The following TXNL1 variants were observed in gnomAD, a reference collection of about 807,000 sequenced individuals.
TXNL1 encodes the protein thioredoxin-like protein 1.
A neutral mutation model predicts 35.5 loss-of-function variants in TXNL1; 14 were observed. The ratio of observed to expected loss-of-function variants is 0.39; its 90% CI spans 0.26 to 0.62. The LOEUF (loss-of-function observed/expected upper bound fraction) is 0.62. TXNL1 is among the 20% of genes least tolerant of loss of function. The pLI, the probability that TXNL1 is intolerant of heterozygous loss-of-function variation, is 0.47. For missense variants in TXNL1, 263 were observed against 349.7 expected, an observed-to-expected ratio of 0.75 and a Z score of 1.98; for synonymous variants, 110 against 115.5, an observed-to-expected ratio of 0.95 and a Z score of 0.31.
intron 5 of TXNL1, 63 bp from the exon 6 acceptor site, chr18:56,614,659 C>G: frequency 7.7e-7 from 1 of 1,296,404 alleles, no homozygotes; most frequent in Non-Finnish European, 1.1e-6. Context: ...CTCCCTTTAC[C>G]ACTACACTCA....
At chr18:56,627,175 T>G (rs1371973336) in intron 1 of TXNL1, among the ~76,000 whole-genome samples, 1 of 152,120 alleles carries the variant, frequency 6.6e-6, no homozygotes, top group East Asian at 1.9e-4. Context: ...TATACTGTCT[T>G]AATGAGCCCA....
chr18:56,626,367 C>G lies in TXNL1; in HGVS notation c.189G>C (p.Gln63His), dbSNP rs765001652. 1 of 1,610,798 alleles carries G rather than the reference C, an allele frequency of 6.2e-7. No homozygotes were observed. The highest frequency in any genetic ancestry group is 8.5e-7 in the Non-Finnish European group (1 of 1,179,024). The change falls in exon 2 of 8, where the codon CAG becomes CAC. Residue 63 changes from glutamine to histidine, a missense_variant. Gln to His is a conservative substitution (Grantham distance 24). Coordinates refer to ENST00000217515, the MANE Select transcript of TXNL1 (RefSeq NM_004786.3). The part of the protein sequence containing the change: ...QAVFLEVDVH[Q>H]CQGTAATNNI... ...AAAGATTCCTTTCCCTTACCTGACA[C>G]TGATGTACATCGACTTCCAAGAAAA...
chr18:56,597,852 T>A lies in TXNL1; in HGVS notation c.*5175A>T, dbSNP rs2023762780. The A allele has an allele frequency of 6.6e-6, 1 of 152,240 alleles. No individual in the cohort carries two copies. The highest frequency in any genetic ancestry group is 6.5e-5 in the Admixed American group (1 of 15,282). The allele number at this position is 152,240 out of a possible 1,614,324, so 9.4% of individuals were successfully genotyped here. ...CAATGTACCCAAAACCATATTCATC[T>A]TCCCCTCTGAACGTTCTGCTTCTCC... On this transcript the variant is annotated 3_prime_UTR_variant, in exon 8 of 8. Coordinates refer to ENST00000217515, the MANE Select transcript of TXNL1 (RefSeq NM_004786.3).
intron 1 of TXNL1, 58 bp from the exon 2 acceptor site, chr18:56,626,515 C>G (rs556410447): frequency 7.1e-7 from 1 of 1,399,282 alleles, no homozygotes; most frequent in African/African-American, 1.5e-5. Flanking sequence ...CTAAAGCACT[C>G]GTCAATTAAA....
intron 1 of TXNL1, among the ~76,000 whole-genome samples, chr18:56,637,278 G>T (rs1204607014): frequency 6.6e-6 from 1 of 152,112 alleles, no homozygotes; most frequent in Non-Finnish European, 1.5e-5. Context: ...AATTCAAAAT[G>T]GAATTTTGTG....
chr18:56,606,109 C>T (rs1010047489), intron 7 of TXNL1, among the ~76,000 whole-genome samples: 1 of 152,226 alleles, frequency 6.6e-6, no homozygotes, highest in Non-Finnish European at 1.5e-5. Flanking sequence ...GGCATGGTGG[C>T]TCACGCCTGT....
rs929805234 is a variant in TXNL1, at chr18:56,602,027, G to C, written c.*1000C>G. On this transcript the variant is annotated 3_prime_UTR_variant, in exon 8 of 8. Transcript: ENST00000217515. ...AGGGTAATAATTCCCTTTTTTTTTT[G>C]GAGACGGAGTTTTGCTCTTGTCGCT... The C allele has an allele frequency of 4.7e-5, 7 of 148,498 alleles. No individual in the cohort carries two copies. The highest frequency in any genetic ancestry group is 1.7e-4 in the African/African-American group (7 of 40,466). 9.2% of individuals were successfully genotyped at this position (148,498 alleles called of 1,614,324 possible). A position where few individuals can be genotyped will look rare whatever the true frequency, so the allele number is the denominator to read the frequency against.
chr18:56,626,744 G>A (rs1381700208), intron 1 of TXNL1, among the ~76,000 whole-genome samples: 1 of 148,034 alleles, frequency 6.8e-6, no homozygotes, highest in African/African-American at 2.5e-5. Flanking sequence ...TGATCCACCT[G>A]CCTTGGCCCC....
Position 56,638,538 on chromosome 18 carries a change from C to T in TXNL1, c.-98G>A, listed in dbSNP as rs572187581. On this transcript the variant is annotated 5_prime_UTR_variant, in exon 1 of 8. Coordinates refer to ENST00000217515, the MANE Select transcript of TXNL1 (RefSeq NM_004786.3). The stretch of plus-strand genomic sequence containing the variant: ...AGGAAGGAGAGATGCTCAGGAAGGC[C>T]GAGGCCTGGACAGAAGAGGTGGCGA... The T allele has an allele frequency of 2.5e-5, 33 of 1,294,610 alleles. No individual in the cohort carries two copies. The African/African-American group carries it at 4.4e-4, about 17-fold the overall frequency. 80.2% of individuals were successfully genotyped at this position (1,294,610 alleles called of 1,614,324 possible).
intron 3 of TXNL1, among the ~76,000 whole-genome samples, chr18:56,618,477 G>A (rs2024126447): frequency 6.6e-6 from 1 of 152,040 alleles, no homozygotes; most frequent in South Asian, 2.1e-4. Flanking sequence ...AGTGGTCAAG[G>A]ACTCTTTATA....
intron 1 of TXNL1, among the ~76,000 whole-genome samples, chr18:56,633,604 A>G (rs1290763671): frequency 6.7e-5 from 9 of 134,458 alleles, no homozygotes; most frequent in African/African-American, 1.7e-4. Context: ...TGAGCAACAG[A>G]GCGAGACCCT....
At chr18:56,627,995 T>G (rs1445237845) in intron 1 of TXNL1, among the ~76,000 whole-genome samples, 1 of 152,102 alleles carries the variant, frequency 6.6e-6, no homozygotes, top group Non-Finnish European at 1.5e-5. Flanking sequence ...CTTATACTTC[T>G]AATACGTAAA....
intron 4 of TXNL1, among the ~76,000 whole-genome samples, chr18:56,617,009 A>G (rs761935610): frequency 6.6e-6 from 1 of 152,196 alleles, no homozygotes; most frequent in Non-Finnish European, 1.5e-5. Context: ...TGAGCAGGAA[A>G]ATTTCATGAA....
rs185323287 is a variant in TXNL1, at chr18:56,631,119, A to T, written c.99-4662T>A. Among the ~76,000 whole-genome samples the T allele has an allele frequency of 5.7e-4, 86 of 152,204 alleles. No homozygotes were observed. In the East Asian group the frequency reaches 0.012, roughly 22 times the overall value. ...GGTCTCAAACTCCTAGACTCAAGTG[A>T]TTCTCCCACCTCAGCCTCCCAAAGT... On this transcript the variant is annotated intron_variant, in intron 1 of 7. Coordinates refer to ENST00000217515, the MANE Select transcript of TXNL1 (RefSeq NM_004786.3).
intron 3 of TXNL1, among the ~76,000 whole-genome samples, chr18:56,620,524 A>G (rs900873023): frequency 2.6e-5 from 4 of 152,228 alleles, no homozygotes; most frequent in South Asian, 2.1e-4. Flanking sequence ...CCTTTAGGGA[A>G]GAAATCTTTA....
At chr18:56,609,778 C>T (rs898328206) in intron 7 of TXNL1, 8 of 152,196 alleles carry the variant, frequency 5.3e-5, no homozygotes, top group Admixed American at 1.3e-4. Flanking sequence ...TGCTTAATCT[C>T]TGCTTCTTCT....
At chr18:56,622,073 T>C (rs1197104696) in intron 3 of TXNL1, among the ~76,000 whole-genome samples, 1 of 150,900 alleles carries the variant, frequency 6.6e-6, no homozygotes, top group Non-Finnish European at 1.5e-5. Flanking sequence ...TTCAATATGA[T>C]ACTCATTAGC....
chr18:56,601,095 T>C lies in TXNL1; in HGVS notation c.*1932A>G, dbSNP rs913198431. ...TTCATCTGGAAAATTCAGTGTTATA[T>C]ATAAATGTTACATATACATATGTGT... On this transcript the variant is annotated 3_prime_UTR_variant, in exon 8 of 8. Transcript: ENST00000217515. 1.0e-4 allele frequency: 13 copies of C among 126,574 alleles called. No homozygotes were observed. In the South Asian group the frequency reaches 1.5e-3, roughly 14 times the overall value. 7.8% of individuals were successfully genotyped at this position (126,574 alleles called of 1,614,324 possible).
Position 56,602,826 on chromosome 18 carries a change from G to T in TXNL1, c.*201C>A. The T allele has an allele frequency of 1.6e-6, 1 of 629,864 alleles. No homozygotes were observed. The highest frequency in any genetic ancestry group is 2.7e-6 in the Non-Finnish European group (1 of 363,920). 39.0% of individuals were successfully genotyped at this position (629,864 alleles called of 1,614,324 possible). On this transcript the variant is annotated 3_prime_UTR_variant, in exon 8 of 8. Transcript: ENST00000217515. The stretch of plus-strand genomic sequence containing the variant: ...ACTGATTTAGAAAGACAAAAATTAA[G>T]CTTGGCAAAAGTGGTGACTTTTATT...
Sources: gnomAD v4.1 joint callset for allele counts (sites outside exome capture counted in the v4.1 genomes callset) on GRCh38, gnomAD v4.1.1 for gene constraint, MANE v1.5 for transcripts, NCBI Gene and HGNC (gene_info 2026-07-23, HGNC 2026-07-21) for gene names.